TENM2: variants seen among roughly 807,000 people sequenced by gnomAD.
The protein encoded by TENM2 is teneurin transmembrane protein 2.
TENM2 carries 52 observed loss-of-function variants against 245.2 expected under a neutral mutation model. The ratio of observed to expected loss-of-function variants is 0.21; its 90% CI spans 0.17 to 0.27. TENM2 has a LOEUF of 0.27. TENM2 is among the 10% of genes least tolerant of loss of function. The probability of loss-of-function intolerance (pLI) is 1.00; values close to 1 mark genes in which losing one functional copy is unlikely to be tolerated. For missense variants in TENM2, 3,046 were observed against 3,666.8 expected (o/e 0.83, Z 4.37); for synonymous variants, 1,363 against 1,438.9 (o/e 0.95, Z 1.19).
At chr5:168,196,165 T>C (rs1052021296) in intron 15 of TENM2, among the ~76,000 whole-genome samples, 2 of 152,180 alleles carry the variant, frequency 1.3e-5, no homozygotes, top group Non-Finnish European at 2.9e-5. Flanking sequence ...AGGGATTTTT[T>C]ACCTTTCTCT....
At chr5:167,994,015 G>A (rs1259314946) in intron 5 of TENM2, among the ~76,000 whole-genome samples, 4 of 152,240 alleles carry the variant, frequency 2.6e-5, no homozygotes, top group Admixed American at 2.0e-4. Flanking sequence ...TGCACACAAA[G>A]CCTGCTCACA....
chr5:167,805,164 C>T (rs1766062971), intron 2 of TENM2, among the ~76,000 whole-genome samples: 1 of 152,128 alleles, frequency 6.6e-6, no homozygotes, highest in Non-Finnish European at 1.5e-5. Context: ...CTGAAGTGGT[C>T]TCTCCCTCAG....
intron 2 of TENM2, among the ~76,000 whole-genome samples, chr5:167,663,711 A>G (rs1458199650): frequency 6.6e-6 from 1 of 151,978 alleles, no homozygotes. Context: ...ATTCTCTCAT[A>G]TTTTAATCTC....
At chr5:167,019,980 A>G in the TENM2 span, among the ~76,000 whole-genome samples, 15 of 152,132 alleles carry the variant, frequency 9.9e-5, no homozygotes, top group Admixed American at 8.5e-4. Context: ...ATAATGAGAA[A>G]TGGAGGTAGA....
intron 5 of TENM2, among the ~76,000 whole-genome samples, chr5:167,993,528 G>T (rs1187075869): frequency 6.6e-6 from 1 of 152,136 alleles, no homozygotes. Context: ...TTTAACCCAG[G>T]TCTGTGCTTT....
the TENM2 span, among the ~76,000 whole-genome samples, chr5:167,179,781 C>T: frequency 6.6e-6 from 1 of 152,094 alleles, no homozygotes; most frequent in Non-Finnish European, 1.5e-5. Flanking sequence ...AGTTTCAGGT[C>T]CTTAGCCCCT....
chr5:168,137,796 C>G (rs1755185074), intron 12 of TENM2, among the ~76,000 whole-genome samples: 1 of 152,306 alleles, frequency 6.6e-6, no homozygotes, highest in East Asian at 1.9e-4. Context: ...TTACTGTCAA[C>G]TTCTTGCTAT....
In TENM2 at chr5:167,663,141, G is replaced by GGGGA. The variant is rs1283734209; in HGVS notation, c.503-212844_503-212843insGGAG. On this transcript the variant is annotated intron_variant, in intron 2 of 28. Transcript: ENST00000518659. The stretch of plus-strand genomic sequence containing the variant: ...AGAGAGACAGAGAGAATGGGGATGG[G>GGGGA]GAGAGAGAGAGAGAGAGAGAGAGAG... 3.7e-5 allele frequency among the ~76,000 whole-genome samples: 4 copies of GGGGA among 108,582 alleles called. No individual in the cohort carries two copies. In the South Asian group the frequency reaches 1.0e-3, roughly 27 times the overall value. 71.2% of individuals were successfully genotyped at this position (108,582 alleles called of 152,430 possible). A position where few individuals can be genotyped will look rare whatever the true frequency, so the allele number is the denominator to read the frequency against.
At chr5:167,140,111 G>A in the TENM2 span, among the ~76,000 whole-genome samples, 2 of 151,978 alleles carry the variant, frequency 1.3e-5, no homozygotes, top group East Asian at 1.9e-4. Flanking sequence ...GCTGAGTTTG[G>A]CATTTGACAC....
intron 27 of TENM2, among the ~76,000 whole-genome samples, chr5:168,258,908 C>T (rs796962978): frequency 1.3e-4 from 20 of 151,928 alleles, no homozygotes; most frequent in African/African-American, 4.8e-4. Flanking sequence ...TTAGGCCAGG[C>T]ACAGTGGCTC....
Position 167,629,458 on chromosome 5 carries a change from C to T in TENM2, c.503-246528C>T, listed in dbSNP as rs1403258112. Among the ~76,000 whole-genome samples the T allele has an allele frequency of 2.6e-5, 4 of 152,138 alleles. No homozygotes were observed. In the East Asian group the frequency reaches 7.7e-4, roughly 29 times the overall value. Reference sequence around the variant, plus strand: ...GTCTATAAAACTTGTACACTTAAATCTCATGCACAATGCCATGTTGGTACA... The same window carrying T: ...GTCTATAAAACTTGTACACTTAAATTTCATGCACAATGCCATGTTGGTACA... On this transcript the variant is annotated intron_variant, in intron 2 of 28. Transcript: ENST00000518659.
intron 2 of TENM2, among the ~76,000 whole-genome samples, chr5:167,533,607 T>A (rs1298513816): frequency 6.6e-6 from 1 of 152,036 alleles, no homozygotes; most frequent in Admixed American, 6.6e-5. Flanking sequence ...CAGGCATGCA[T>A]CACCACGCTT....
chr5:167,018,789 C>T, the TENM2 span, among the ~76,000 whole-genome samples: 1 of 152,168 alleles, frequency 6.6e-6, no homozygotes, highest in South Asian at 2.1e-4. Context: ...GTGACAGAGA[C>T]CTCTGATCTT....
At chr5:167,337,912 TA>T (rs1160101299) in intron 1 of TENM2, among the ~76,000 whole-genome samples, 2 of 152,280 alleles carry the variant, frequency 1.3e-5, no homozygotes, top group South Asian at 2.1e-4. Context: ...GGTTCATCAT[TA>T]AAAAAATACT....
At chr5:167,862,241 A>ATGTGTGTG (rs138403142) in intron 2 of TENM2, among the ~76,000 whole-genome samples, 48 of 148,534 alleles carry the variant, frequency 3.2e-4, no homozygotes, top group African/African-American at 8.1e-4. Context: ...AATTTAGAGT[A>ATGTGTGTG]TGTGTGTGTG....
intron 4 of TENM2, among the ~76,000 whole-genome samples, chr5:167,958,029 T>C (rs906840806): frequency 1.3e-5 from 2 of 152,172 alleles, no homozygotes; most frequent in South Asian, 2.1e-4. Flanking sequence ...TGAATATCCT[T>C]CTTAATTTTC....
At position 167,710,892 on chromosome 5, in the gene TENM2, G is replaced by A. The variant is rs567048267; in HGVS notation, c.503-165094G>A. Among the ~76,000 whole-genome samples the A allele has an allele frequency of 4.6e-5, 7 of 152,284 alleles. No individual in the cohort carries two copies. In the South Asian group the frequency reaches 1.5e-3, roughly 32 times the overall value. On this transcript the variant is annotated intron_variant, in intron 2 of 28. Coordinates refer to ENST00000518659, the Ensembl canonical transcript of TENM2. Reference sequence around the variant, plus strand: ...TGAGTAGTTACTGCGGTAATCTAGGGCAAAGATGATGGAGAGCTAACTAAA... The same window carrying A: ...TGAGTAGTTACTGCGGTAATCTAGGACAAAGATGATGGAGAGCTAACTAAA...
At chr5:168,148,947 A>G (rs140714663) in intron 12 of TENM2, among the ~76,000 whole-genome samples, 257 of 152,254 alleles carry the variant, frequency 1.7e-3, no homozygotes, top group Non-Finnish European at 3.1e-3. Flanking sequence ...CTTTTTAAGC[A>G]TGTCTGAGTG....
intron 2 of TENM2, among the ~76,000 whole-genome samples, chr5:167,408,959 T>TAC (rs886711307): frequency 1.5e-4 from 22 of 145,106 alleles, no homozygotes; most frequent in Admixed American, 3.4e-4. Context: ...TATATATATA[T>TAC]ACACACACAC....
Sources: allele counts gnomAD v4.1 joint callset (sites outside exome capture counted in the v4.1 genomes callset), GRCh38; gene constraint gnomAD v4.1.1; transcripts MANE v1.5; gene names NCBI Gene and HGNC (gene_info 2026-07-23, HGNC 2026-07-21).